The following APBA2 variants were observed in gnomAD, a reference collection of about 807,000 sequenced individuals.
APBA2 encodes amyloid beta precursor protein binding family A member 2.
A neutral mutation model predicts 75.0 loss-of-function variants in APBA2; 30 were observed. The ratio of observed to expected loss-of-function variants is 0.40; its 90% CI spans 0.30 to 0.54. The LOEUF is 0.54. APBA2 is among the 20% of genes least tolerant of loss of function. The pLI is 0.49. For synonymous variants in APBA2, 444 were observed against 409.6 expected, an observed-to-expected ratio of 1.08 and a Z score of -1.01; for missense variants, 801 against 1,016.1, an observed-to-expected ratio of 0.79 and a Z score of 2.88.
At chr15:29,097,723 G>A (rs964648413) in intron 8 of APBA2, among the ~76,000 whole-genome samples, 2 of 151,986 alleles carry the variant, frequency 1.3e-5, no homozygotes, top group Admixed American at 6.6e-5. Context: ...TATTATTAAC[G>A]GTAGTCACCA....
intron 6 of APBA2, among the ~76,000 whole-genome samples, chr15:29,091,463 G>A (rs1348375136): frequency 1.3e-5 from 2 of 152,184 alleles, no homozygotes; most frequent in Admixed American, 6.5e-5. Flanking sequence ...AGGCAGTGGA[G>A]GGGTCTGGAA....
intron 2 of APBA2, among the ~76,000 whole-genome samples, chr15:28,940,356 C>CAAAAAAAAAAA (rs398043111): frequency 2.4e-3 from 94 of 38,446 alleles, no homozygotes; most frequent in Non-Finnish European, 3.4e-3. Context: ...ACTAAAAATA[C>CAAAAAAAAAAA]AAAAAAAAAA....
chr15:28,887,360 A>G (rs1356922029), intron 1 of APBA2, among the ~76,000 whole-genome samples: 2 of 152,142 alleles, frequency 1.3e-5, no homozygotes, highest in African/African-American at 4.8e-5. Flanking sequence ...GAGAAAGGAC[A>G]GTGATTTTAG....
At chr15:28,909,437 G>A (rs781199444) in intron 1 of APBA2, among the ~76,000 whole-genome samples, 65 of 152,208 alleles carry the variant, frequency 4.3e-4, no homozygotes, top group Non-Finnish European at 8.5e-4. Context: ...GCATGCGTCA[G>A]AACTTCCTTC....
At chr15:29,099,970 T>C (rs955315213) in intron 9 of APBA2, among the ~76,000 whole-genome samples, 8 of 152,174 alleles carry the variant, frequency 5.3e-5, no homozygotes, top group African/African-American at 1.7e-4. Flanking sequence ...CCTTCTCCCT[T>C]CCTTTCCTTT....
At chr15:28,925,711 G>A (rs1435435991) in intron 2 of APBA2, among the ~76,000 whole-genome samples, 2 of 152,158 alleles carry the variant, frequency 1.3e-5, no homozygotes, top group African/African-American at 4.8e-5. Flanking sequence ...TGCTATTCAA[G>A]TGAACTGTCC....
chr15:29,109,400 C>G (rs1376678924), intron 13 of APBA2, among the ~76,000 whole-genome samples: 3 of 152,094 alleles, frequency 2.0e-5, no homozygotes, highest in Non-Finnish European at 4.4e-5. Flanking sequence ...ATACTGAGAG[C>G]TTATTGCTTA....
At chr15:28,934,559 GA>G (rs2034746788) in intron 2 of APBA2, among the ~76,000 whole-genome samples, 1 of 152,208 alleles carries the variant, frequency 6.6e-6, no homozygotes, top group African/African-American at 2.4e-5. Flanking sequence ...GGGAAGGCGG[GA>G]AACCAGGGGC....
Position 29,117,105 on chromosome 15 carries a change from C to T in APBA2, c.2222C>T (p.Thr741Met). The T allele has an allele frequency of 1.2e-6, 2 of 1,613,310 alleles. No individual in the cohort carries two copies. Among genetic ancestry groups the T allele is most frequent in the Non-Finnish European group, 1.7e-6 (2 of 1,179,988 alleles). ...CCCGCCGCCATGTTCAGGCTCCTCA[C>T]GGGTCAGGAGACCCCGCTGTACATC... ...TMPAAMFRLL[T>M]GQETPLYI Residue 741 changes from threonine (T) to methionine (M), a missense_variant, in exon 15 of 15, where the codon ACG becomes ATG. By Grantham distance (81) the Thr-to-Met change is moderately conservative. Around this residue, in one of 2 missense-constraint regions of APBA2, gnomAD observed 367 missense variants for 544.5 expected, o/e 0.67. Transcript: ENST00000683413.
chr15:28,916,255 C>T (rs1365439866), intron 1 of APBA2, among the ~76,000 whole-genome samples: 2 of 152,174 alleles, frequency 1.3e-5, no homozygotes, highest in Non-Finnish European at 2.9e-5. Context: ...AGCCTGTTCG[C>T]CACCTCTCCT....
intron 1 of APBA2, among the ~76,000 whole-genome samples, chr15:28,892,332 C>T (rs1157489864): frequency 6.6e-6 from 1 of 152,166 alleles, no homozygotes; most frequent in East Asian, 1.9e-4. Flanking sequence ...ACCTCGGCCT[C>T]CCAAGGTGCT....
chr15:28,953,411 C>T (rs1271513826), intron 2 of APBA2, among the ~76,000 whole-genome samples: 1 of 152,054 alleles, frequency 6.6e-6, no homozygotes, highest in East Asian at 1.9e-4. Flanking sequence ...TCCCACTCCC[C>T]CCGCCCCACC....
intron 1 of APBA2, among the ~76,000 whole-genome samples, chr15:28,910,255 A>T (rs146334667): frequency 2.6e-4 from 39 of 152,302 alleles, no homozygotes; most frequent in African/African-American, 8.9e-4. Flanking sequence ...ACCATCTGTC[A>T]GACATGCTGG....
At chr15:29,007,872 T>G (rs912433274) in intron 3 of APBA2, among the ~76,000 whole-genome samples, 1 of 152,202 alleles carries the variant, frequency 6.6e-6, no homozygotes, top group Admixed American at 6.5e-5. Context: ...TGGTTTCACT[T>G]CTGGGCATAT....
chr15:28,962,310 G>A (rs1025653203), intron 2 of APBA2, among the ~76,000 whole-genome samples: 3 of 151,806 alleles, frequency 2.0e-5, no homozygotes, highest in South Asian at 4.2e-4. Context: ...GGTGGCTCAC[G>A]CCTGTAATCC....
chr15:29,031,809 A>G (rs2040501072), intron 3 of APBA2, among the ~76,000 whole-genome samples: 1 of 152,194 alleles, frequency 6.6e-6, no homozygotes, highest in Non-Finnish European at 1.5e-5. Context: ...GCGCTGATGC[A>G]TTTTACAATC....
At chr15:29,004,490 A>G (rs1304060224) in intron 3 of APBA2, among the ~76,000 whole-genome samples, 1 of 152,118 alleles carries the variant, frequency 6.6e-6, no homozygotes, top group Admixed American at 6.5e-5. Context: ...TGTGTTTGCT[A>G]TCAGGATCAC....
chr15:29,087,826 A>G (rs2043358780), intron 6 of APBA2, among the ~76,000 whole-genome samples: 1 of 151,956 alleles, frequency 6.6e-6, no homozygotes, highest in Non-Finnish European at 1.5e-5. Flanking sequence ...GTCCTGCCCC[A>G]TTAGAGCTGC....
intron 2 of APBA2, among the ~76,000 whole-genome samples, chr15:28,936,158 G>A (rs1237237245): frequency 6.6e-6 from 1 of 152,172 alleles, no homozygotes; most frequent in East Asian, 1.9e-4. Context: ...ACATTTTAAT[G>A]TGGAAGACGT....
Sources: gnomAD v4.1 joint callset for allele counts (sites outside exome capture counted in the v4.1 genomes callset) on GRCh38, gnomAD v4.1.1 for gene constraint, gnomAD v4.1.1 regional missense constraint, MANE v1.5 for transcripts, NCBI Gene and HGNC (gene_info 2026-07-23, HGNC 2026-07-21) for gene names.